CKAP2L: variants seen among roughly 807,000 people sequenced by gnomAD.
CKAP2L encodes the protein cytoskeleton associated protein 2L.
In CKAP2L, 42 loss-of-function variants were observed where a neutral mutation model predicts 65.7. The observed-to-expected ratio is 0.64, with a 90% confidence interval of 0.50 to 0.83. The LOEUF (loss-of-function observed/expected upper bound fraction) is 0.83, where lower values mean the gene tolerates loss of function less well. Ranked by LOEUF, CKAP2L falls within the 40% of genes least tolerant of loss-of-function variation. The pLI, the probability that CKAP2L is intolerant of heterozygous loss-of-function variation, is 0.00. For missense variants in CKAP2L, 908 were observed against 871.0 expected, an observed-to-expected ratio of 1.04 and a Z score of -0.53; for synonymous variants, 325 against 313.5, an observed-to-expected ratio of 1.04 and a Z score of -0.39.
In CKAP2L at chr2:112,760,696, G is replaced by C; in HGVS notation, c.156+17C>G. ...ACTTATGAATGCATATTTTTAAAAAGACTAATTTCTACTTACAGATTTAGA... is the reference window on the plus strand; with the variant it reads ...ACTTATGAATGCATATTTTTAAAAACACTAATTTCTACTTACAGATTTAGA... On this transcript the variant is annotated intron_variant, in intron 3 of 8. Transcript: ENST00000302450. 1 of 1,328,526 alleles carries C rather than the reference G, an allele frequency of 7.5e-7. No individual in the cohort carries two copies. 82.3% of individuals were successfully genotyped at this position (1,328,526 alleles called of 1,614,324 possible).
intron 3 of CKAP2L, among the ~76,000 whole-genome samples, chr2:112,758,449 G>A (rs1056077056): frequency 6.6e-6 from 1 of 152,196 alleles, no homozygotes; most frequent in African/African-American, 2.4e-5. Flanking sequence ...AGTATGTAAA[G>A]GATTTCTAAC....
chr2:112,738,949 CA>C lies in CKAP2L; in HGVS notation c.2111del (p.Leu704ArgfsTer6), dbSNP rs1485863547. On this transcript the variant is annotated frameshift_variant, in exon 9 of 9. Transcript: ENST00000302450. LOFTEE classifies it high-confidence loss of function. ...AAGCCACTACTAAATCGTGTTCCTG[CA>C]GCATTTCTGGGTAGCGGGACACTGC... ...ERAVSRYPEMLQEHDLVVASL... is the reference protein window; with the variant it reads ...ERAVSRYPEMXQEHDLVVASL... 1.2e-6 allele frequency: 2 copies of C among 1,614,186 alleles called. No homozygotes were observed. The highest frequency in any genetic ancestry group is 3.3e-5 in the Admixed American group (2 of 60,016).
At chr2:112,744,026 T>G (rs927450878) in intron 6 of CKAP2L, among the ~76,000 whole-genome samples, 4 of 152,184 alleles carry the variant, frequency 2.6e-5, no homozygotes, top group Non-Finnish European at 4.4e-5. Flanking sequence ...TTCCGTACAT[T>G]TTTTCAAAAT....
intron 5 of CKAP2L, among the ~76,000 whole-genome samples, chr2:112,747,480 G>T (rs1018012847): frequency 6.6e-6 from 1 of 152,182 alleles, no homozygotes; most frequent in African/African-American, 2.4e-5. Flanking sequence ...ACAGGCATGC[G>T]AAGGTCATAG....
chr2:112,763,993 G>A (rs1461295419), intron 1 of CKAP2L: 1 of 154,518 alleles, frequency 6.5e-6, no homozygotes, highest in African/African-American at 2.4e-5. Flanking sequence ...TGGCATCTGA[G>A]CAGGAGTATT....
chr2:112,760,520 A>G (rs1227077035), intron 3 of CKAP2L, among the ~76,000 whole-genome samples, 193 bp downstream of exon 3: 1 of 152,224 alleles, frequency 6.6e-6, no homozygotes, highest in African/African-American at 2.4e-5. Context: ...TTCTTGGTTA[A>G]TAAAACTAAA....
intron 5 of CKAP2L, 114 bp downstream of exon 5, chr2:112,752,153 G>C (rs1680388915): frequency 1.4e-6 from 1 of 716,408 alleles, no homozygotes; most frequent in Non-Finnish European, 2.4e-6. Flanking sequence ...ATTTACAAGA[G>C]TAGCTAAATT....
chr2:112,737,636 G>A lies in CKAP2L; in HGVS notation c.*1187C>T, dbSNP rs1470232841. ...AGTCTGCTGGTATTACAGGTTTATA[G>A]CTCAGTTTTTTGAGCTTTATTATAA... is the stretch of plus-strand genomic sequence containing the variant. On this transcript the variant is annotated 3_prime_UTR_variant, in exon 9 of 9. Coordinates refer to ENST00000302450, the MANE Select transcript of CKAP2L (RefSeq NM_152515.5). 6.6e-6 allele frequency: 1 copy of A among 152,028 alleles called. No homozygotes were observed. The highest frequency in any genetic ancestry group is 1.5e-5 in the Non-Finnish European group (1 of 67,992). 9.4% of individuals were successfully genotyped at this position (152,028 alleles called of 1,614,324 possible). A position where few individuals can be genotyped will look rare whatever the true frequency, so the allele number is the denominator to read the frequency against.
Position 112,739,021 on chromosome 2 carries a change from G to T in CKAP2L, c.2040C>A (p.Asp680Glu). Residue 680 changes from aspartate (D) to glutamate (E), a missense_variant, in exon 9 of 9, where the codon GAC becomes GAA. Coordinates refer to ENST00000302450, the MANE Select transcript of CKAP2L (RefSeq NM_152515.5). ...GCCGTACAGGAGTGATAAATTTCAT[G>T]TCTTGCACTTCCGGCATCCCATTTA... Reference protein sequence around the residue: ...PRINGMPEVQDMKFITPVRRS... With the variant: ...PRINGMPEVQEMKFITPVRRS... 3.1e-6 allele frequency: 5 copies of T among 1,614,096 alleles called. No individual in the cohort carries two copies. The highest frequency in any genetic ancestry group is 4.2e-6 in the Non-Finnish European group (5 of 1,179,964).
intron 3 of CKAP2L, among the ~76,000 whole-genome samples, chr2:112,759,313 T>C (rs1052166601): frequency 6.6e-6 from 1 of 152,218 alleles, no homozygotes; most frequent in African/African-American, 2.4e-5. Context: ...AGTGAGGTAA[T>C]GTATATAAAC....
intron 3 of CKAP2L, among the ~76,000 whole-genome samples, chr2:112,759,070 T>C (rs1290096633): frequency 1.3e-5 from 2 of 152,096 alleles, no homozygotes; most frequent in African/African-American, 2.4e-5. Context: ...TGTTGTAGCA[T>C]GTATCAGTAC....
Position 112,746,428 on chromosome 2 carries a change from C to T in CKAP2L, c.1750G>A (p.Gly584Arg), listed in dbSNP as rs748710140. ...IGLYEEAIKNGATPIQELRKV... is the reference protein window; with the variant it reads ...IGLYEEAIKNRATPIQELRKV... ...CCAAGACAGATACTCACTGTTGCCCCATTTTTAATGGCCTCTTCATATAGC... is the reference window on the plus strand; with the variant it reads ...CCAAGACAGATACTCACTGTTGCCCTATTTTTAATGGCCTCTTCATATAGC... The change falls in exon 6 of 9, where the codon GGG becomes AGG. Residue 584 changes from glycine (G) to arginine (R), a missense_variant. By Grantham distance (125) the Gly-to-Arg change is moderately radical (BLOSUM62 -2). Coordinates refer to ENST00000302450, the MANE Select transcript of CKAP2L (RefSeq NM_152515.5). 2 of 1,609,716 alleles carry T rather than the reference C, an allele frequency of 1.2e-6. No homozygotes were observed. The highest frequency in any genetic ancestry group is 1.7e-6 in the Non-Finnish European group (2 of 1,176,928).
intron 3 of CKAP2L, among the ~76,000 whole-genome samples, chr2:112,759,348 T>C (rs1573237486): frequency 6.6e-6 from 1 of 152,238 alleles, no homozygotes; most frequent in Non-Finnish European, 1.5e-5. Context: ...GTTATTGTTG[T>C]CATGTATCGA....
intron 2 of CKAP2L, among the ~76,000 whole-genome samples, chr2:112,762,293 C>T (rs950493374): frequency 2.0e-5 from 3 of 152,218 alleles, no homozygotes; most frequent in African/African-American, 7.2e-5. Flanking sequence ...GAGATTCACA[C>T]AGTAATAATG....
Position 112,756,303 on chromosome 2 carries a change from C to A in CKAP2L, c.1068G>T (p.Lys356Asn). 6.2e-7 allele frequency: 1 copy of A among 1,613,898 alleles called. No individual in the cohort carries two copies. Among genetic ancestry groups the A allele is most frequent in the Non-Finnish European group, 8.5e-7 (1 of 1,179,908 alleles). ...TCTGAGGTATACAAACTTGGCTGGA[C>A]TTCTGATCTTGCTTGATGTTTGGAT... ...NRHPNIKQDQ[K>N]SSQVCIPQTS... Residue 356 changes from lysine (K) to asparagine (N), a missense_variant, in exon 4 of 9, where the codon AAG (lysine) becomes AAT (asparagine). Transcript: ENST00000302450.
intron 4 of CKAP2L, among the ~76,000 whole-genome samples, chr2:112,755,749 A>G (rs1423200313): frequency 6.6e-6 from 1 of 152,058 alleles, no homozygotes; most frequent in African/African-American, 2.4e-5. Flanking sequence ...AAAAAAAAAA[A>G]GCTATTGTAA....
Position 112,757,684 on chromosome 2 carries a change from C to T in CKAP2L, c.157-470G>A, listed in dbSNP as rs530694919. On this transcript the variant is annotated intron_variant, in intron 3 of 8. Transcript: ENST00000302450. ...GGATAACAGGTATGAGCCACCACAC[C>T]TGTCCTAACAGGTAGTTTTTACAAC... Among the ~76,000 whole-genome samples, 11 of 152,296 alleles carry T rather than the reference C, an allele frequency of 7.2e-5. No homozygotes were observed. In the East Asian group the frequency reaches 2.1e-3, roughly 29 times the overall value.
At chr2:112,746,383 A>C in intron 6 of CKAP2L, 37 bp downstream of exon 6, 1 of 1,537,572 alleles carries the variant, frequency 6.5e-7, no homozygotes, top group Non-Finnish European at 8.8e-7. Flanking sequence ...CATGAAAGAG[A>C]ATTTTAAGAA....
intron 7 of CKAP2L, among the ~76,000 whole-genome samples, chr2:112,741,403 A>C (rs183798171): frequency 9.2e-5 from 14 of 152,206 alleles, no homozygotes; most frequent in Admixed American, 7.2e-4. Flanking sequence ...ACAACCTCCC[A>C]ATCCCATTCC....
Sources: allele counts gnomAD v4.1 joint callset (sites outside exome capture counted in the v4.1 genomes callset), GRCh38; gene constraint gnomAD v4.1.1; transcripts MANE v1.5; gene names NCBI Gene and HGNC (gene_info 2026-07-23, HGNC 2026-07-21).